Variants in ERC2 observed in about 807,000 individuals in gnomAD.
ERC2 encodes ELKS/RAB6-interacting/CAST family member 2, also known as ERC protein 2.
In ERC2, 42 loss-of-function variants were observed where a neutral mutation model predicts 114.8. The observed-to-expected ratio is 0.37, with a 90% CI of 0.29 to 0.47. The LOEUF (loss-of-function observed/expected upper bound fraction) is 0.47. ERC2 is among the 20% of genes least tolerant of loss of function. The pLI is 0.99. For missense variants in ERC2, 939 were observed against 1,150.7 expected (o/e 0.82, Z 2.66); for synonymous variants, 454 against 425.5 (o/e 1.07, Z -0.82).
At chr3:55,732,017 G>T (rs1422971350) in intron 15 of ERC2, among the ~76,000 whole-genome samples, 3 of 151,986 alleles carry the variant, frequency 2.0e-5, no homozygotes, top group Non-Finnish European at 2.9e-5. Context: ...AACCTGATGG[G>T]GTATGTGTGG....
intron 17 of ERC2, among the ~76,000 whole-genome samples, chr3:55,644,862 C>A (rs2060326809): frequency 6.6e-6 from 1 of 151,822 alleles, no homozygotes; most frequent in African/African-American, 2.4e-5. Flanking sequence ...ATCCAAGGAG[C>A]CCATGACCTT....
chr3:56,446,961 C>T (rs542865252), intron 1 of ERC2, among the ~76,000 whole-genome samples: 1 of 152,128 alleles, frequency 6.6e-6, no homozygotes, highest in African/African-American at 2.4e-5. Flanking sequence ...CTGCTGCAAG[C>T]AACTGGAAAG....
At chr3:56,307,828 GCACACACACACACACACA>G (rs10576433) in intron 2 of ERC2, among the ~76,000 whole-genome samples, 1 of 147,554 alleles carries the variant, frequency 6.8e-6, no homozygotes, top group Non-Finnish European at 1.5e-5. Flanking sequence ...ACACACACTT[GCACACACACACACACACA>G]CACACACACA....
intron 17 of ERC2, among the ~76,000 whole-genome samples, chr3:55,575,000 T>C (rs1174413456): frequency 6.6e-6 from 1 of 152,000 alleles, no homozygotes; most frequent in Non-Finnish European, 1.5e-5. Flanking sequence ...TCACAGAAGG[T>C]GCACTTTCTT....
intron 13 of ERC2, among the ~76,000 whole-genome samples, chr3:55,917,653 G>T (rs989320143): frequency 2.0e-5 from 3 of 152,168 alleles, no homozygotes; most frequent in Admixed American, 2.0e-4. Context: ...AGGGCAGGGG[G>T]AGTGTGGAAT....
intron 7 of ERC2, among the ~76,000 whole-genome samples, chr3:56,021,082 T>C (rs1308452201): frequency 1.3e-5 from 2 of 152,122 alleles, no homozygotes; most frequent in Non-Finnish European, 2.9e-5. Flanking sequence ...TAAAGATGTA[T>C]TTATTGAGCT....
chr3:56,244,041 T>C (rs2051506508), intron 3 of ERC2, among the ~76,000 whole-genome samples: 1 of 152,162 alleles, frequency 6.6e-6, no homozygotes, highest in Non-Finnish European at 1.5e-5. Context: ...ATACTTATAA[T>C]ATTTTACATA....
chr3:56,053,361 A>AG (rs537214408), intron 7 of ERC2, among the ~76,000 whole-genome samples: 119 of 152,130 alleles, frequency 7.8e-4, no homozygotes, highest in Non-Finnish European at 1.4e-3. Flanking sequence ...GGAGACTGTG[A>AG]GGGATGGGGA....
chr3:56,017,397 C>T (rs1202766114), intron 8 of ERC2, among the ~76,000 whole-genome samples: 1 of 152,140 alleles, frequency 6.6e-6, no homozygotes, highest in Non-Finnish European at 1.5e-5. Context: ...TTCATTCATT[C>T]ATTCTTTTAT....
intron 3 of ERC2, among the ~76,000 whole-genome samples, chr3:56,215,966 C>T (rs1478433247): frequency 5.9e-5 from 9 of 151,970 alleles, no homozygotes; most frequent in Admixed American, 6.6e-5. Flanking sequence ...ACACAACATA[C>T]CAGAATCTCT....
At chr3:55,653,044 A>T (rs1372612347) in intron 17 of ERC2, among the ~76,000 whole-genome samples, 1 of 152,124 alleles carries the variant, frequency 6.6e-6, no homozygotes, top group Non-Finnish European at 1.5e-5. Context: ...TCTCACACTC[A>T]TCTACCAAGT....
intron 12 of ERC2, among the ~76,000 whole-genome samples, chr3:55,973,083 C>T (rs1469858681): frequency 6.6e-6 from 1 of 152,126 alleles, no homozygotes; most frequent in Non-Finnish European, 1.5e-5. Flanking sequence ...ATATTCTGCC[C>T]ATCCTGCGAG....
At chr3:56,147,654 T>G (rs1259933316) in intron 5 of ERC2, among the ~76,000 whole-genome samples, 1 of 152,202 alleles carries the variant, frequency 6.6e-6, no homozygotes, top group African/African-American at 2.4e-5. Flanking sequence ...CTAACTCTGC[T>G]GCATTTCATA....
At chr3:55,847,303 G>A (rs886241931) in intron 14 of ERC2, among the ~76,000 whole-genome samples, 2 of 152,184 alleles carry the variant, frequency 1.3e-5, no homozygotes, top group Admixed American at 1.3e-4. Flanking sequence ...TTTTTATTGA[G>A]AGGGAGGGGA....
At position 55,509,232 on chromosome 3, in the gene ERC2, G is replaced by A. The variant is rs1219705103; in HGVS notation, c.*2084C>T. 1 of 151,550 alleles carries A rather than the reference G, an allele frequency of 6.6e-6. No individual in the cohort carries two copies. The highest frequency in any genetic ancestry group is 1.5e-5 in the Non-Finnish European group (1 of 67,988). The allele number at this position is 151,550 out of a possible 1,614,324, so 9.4% of individuals were successfully genotyped here. A position where few individuals can be genotyped will look rare whatever the true frequency, so the allele number is the denominator to read the frequency against. ...AGAAATAGCTAGCTATACATGGGTT[G>A]GTTTTTTTTTTCTGTTTCAAGGACC... On this transcript the variant is annotated 3_prime_UTR_variant, in exon 18 of 18. Transcript: ENST00000288221.
At chr3:55,933,650 C>G (rs1404776052) in intron 13 of ERC2, among the ~76,000 whole-genome samples, 1 of 152,182 alleles carries the variant, frequency 6.6e-6, no homozygotes, top group Non-Finnish European at 1.5e-5. Context: ...GTTTGGAGAG[C>G]TCTATGTGGC....
intron 3 of ERC2, among the ~76,000 whole-genome samples, chr3:56,259,279 C>T (rs1334301827): frequency 6.6e-6 from 1 of 152,130 alleles, no homozygotes; most frequent in Non-Finnish European, 1.5e-5. Flanking sequence ...GCCCAAAAAA[C>T]TATGTTTTTC....
chr3:55,642,145 G>A (rs1051772096), intron 17 of ERC2, among the ~76,000 whole-genome samples: 2 of 152,270 alleles, frequency 1.3e-5, no homozygotes, highest in East Asian at 1.9e-4. Context: ...GTTGGGGATT[G>A]TAAGTAATTC....
intron 6 of ERC2, among the ~76,000 whole-genome samples, chr3:56,122,579 T>C (rs1325269156): frequency 6.6e-6 from 1 of 152,156 alleles, no homozygotes; most frequent in Non-Finnish European, 1.5e-5. Context: ...AGTCTGGTTG[T>C]CTTATTTTGG....
Sources: gnomAD v4.1 joint callset for allele counts (sites outside exome capture counted in the v4.1 genomes callset) on GRCh38, gnomAD v4.1.1 for gene constraint, MANE v1.5 for transcripts, NCBI Gene and HGNC (gene_info 2026-07-23, HGNC 2026-07-21) for gene names.